DIS3L2: variants seen among roughly 807,000 people sequenced by gnomAD.
The protein encoded by DIS3L2 is DIS3-like exonuclease 2.
A neutral mutation model predicts 97.5 loss-of-function variants in DIS3L2; 34 were observed. The ratio of observed to expected loss-of-function variants is 0.35; its 90% CI spans 0.27 to 0.46. The LOEUF is 0.46. Among genes scored for constraint, DIS3L2 ranks in the 20% least tolerant of loss-of-function variants. DIS3L2 has a pLI of 1.00. For synonymous variants in DIS3L2, 435 were observed against 445.2 expected, an observed-to-expected ratio of 0.98 and a Z score of 0.29; for missense variants, 1,038 against 1,146.0, an observed-to-expected ratio of 0.91 and a Z score of 1.36.
At chr2:232,073,577 T>C (rs1696097542) in intron 5 of DIS3L2, among the ~76,000 whole-genome samples, 1 of 152,212 alleles carries the variant, frequency 6.6e-6, no homozygotes, top group African/African-American at 2.4e-5. Context: ...CACTCTTTAA[T>C]GATGGTCTTT....
intron 5 of DIS3L2, among the ~76,000 whole-genome samples, chr2:232,048,332 C>G (rs1695299603): frequency 6.6e-6 from 1 of 152,152 alleles, no homozygotes; most frequent in Non-Finnish European, 1.5e-5. Context: ...AATGGAGCCC[C>G]TCTATCTCCT....
At chr2:232,115,904 C>T (rs1697692220) in intron 6 of DIS3L2, among the ~76,000 whole-genome samples, 1 of 152,106 alleles carries the variant, frequency 6.6e-6, no homozygotes, top group Non-Finnish European at 1.5e-5. Flanking sequence ...GTGGCTCACA[C>T]ACAGGATTAC....
In DIS3L2 at chr2:232,336,640, G is replaced by A. The variant is rs370282202; in HGVS notation, c.*10G>A. On this transcript the variant is annotated 3_prime_UTR_variant, in exon 21 of 21. Coordinates refer to ENST00000325385, the MANE Select transcript of DIS3L2 (RefSeq NM_152383.5). ...CTCAAGCACCAGCTGAGCTCCACCAGCCGCCTGCCCCGCCTGCCCCGCCTG... is the reference window on the plus strand; with the variant it reads ...CTCAAGCACCAGCTGAGCTCCACCAACCGCCTGCCCCGCCTGCCCCGCCTG... The A allele has an allele frequency of 4.5e-5, 70 of 1,552,064 alleles. No homozygotes were observed. The African/African-American group carries it at 8.2e-4, about 18-fold the overall frequency.
chr2:232,120,841 T>G (rs1697879533), intron 6 of DIS3L2, among the ~76,000 whole-genome samples: 1 of 152,168 alleles, frequency 6.6e-6, no homozygotes, highest in African/African-American at 2.4e-5. Flanking sequence ...TTGGCGTTTC[T>G]CTGTCCTTCT....
At position 232,218,357 on chromosome 2, in the gene DIS3L2, TG is replaced by T. The variant is rs557519247; in HGVS notation, c.1204+7955del. Reference sequence around the variant, plus strand: ...TTGGCAAACACTGCTCAGGTATGTCTGGGTTTGAATCCTACAAAGTCTGGAG... The same window carrying T: ...TTGGCAAACACTGCTCAGGTATGTCTGGTTTGAATCCTACAAAGTCTGGAG... On this transcript the variant is annotated intron_variant, in intron 10 of 20. Transcript: ENST00000325385. Among the ~76,000 whole-genome samples, 27 of 152,312 alleles carry T rather than the reference TG, an allele frequency of 1.8e-4. No homozygotes were observed. In the South Asian group the frequency reaches 5.0e-3, roughly 28 times the overall value.
chr2:232,184,640 A>T (rs1691387247), intron 9 of DIS3L2, among the ~76,000 whole-genome samples: 4 of 152,172 alleles, frequency 2.6e-5, no homozygotes, highest in Admixed American at 2.6e-4. Context: ...ACAGAACAAG[A>T]CACTATCTCA....
chr2:231,979,498 C>A lies in DIS3L2; in HGVS notation c.-94+17733C>A, dbSNP rs1043858724. ...TCTTGAATTCTTGGGCTCAAGCAGT[C>A]CACCTGCCTTGGCCTCCCAAGGCCA... On this transcript the variant is annotated intron_variant, in intron 1 of 20. Transcript: ENST00000325385. 5.9e-5 allele frequency among the ~76,000 whole-genome samples: 9 copies of A among 152,142 alleles called. 1 individual carries two copies. Among genetic ancestry groups the A allele is most frequent in the Admixed American group, 5.2e-4 (8 of 15,280 alleles).
downstream of DIS3L2, among the ~76,000 whole-genome samples, chr2:232,339,407 A>G (rs1307925509): frequency 6.6e-6 from 1 of 152,010 alleles, no homozygotes; most frequent in Non-Finnish European, 1.5e-5. Flanking sequence ...AGGGGCTGTG[A>G]TTGCCCAGGT....
intron 12 of DIS3L2, among the ~76,000 whole-genome samples, chr2:232,256,924 C>T (rs1269017501): frequency 1.3e-5 from 2 of 152,210 alleles, no homozygotes; most frequent in African/African-American, 4.8e-5. Flanking sequence ...TCAAGACCAG[C>T]TTGGCCAACA....
At position 232,268,457 on chromosome 2, in the gene DIS3L2, A is replaced by G. The variant is rs948367674; in HGVS notation, c.1659+5017A>G. On this transcript the variant is annotated intron_variant, in intron 13 of 20. Transcript: ENST00000325385. The surrounding 1 kb of genome is among the most constrained non-coding windows in gnomAD (Gnocchi z 4.1). Reference sequence around the variant, plus strand: ...GATTGACGGATATTTTCTGTAAAGGACCAGATAGTAAATGGTTTAGGCTTT... The same window carrying G: ...GATTGACGGATATTTTCTGTAAAGGGCCAGATAGTAAATGGTTTAGGCTTT... 2.0e-5 allele frequency among the ~76,000 whole-genome samples: 3 copies of G among 152,142 alleles called. No homozygotes were observed. The highest frequency in any genetic ancestry group is 4.4e-5 in the Non-Finnish European group (3 of 68,032).
At position 232,329,902 on chromosome 2, in the gene DIS3L2, A is replaced by T; in HGVS notation, c.1829A>T (p.His610Leu). The T allele has an allele frequency of 6.2e-7, 1 of 1,610,308 alleles. No homozygotes were observed. The highest frequency in any genetic ancestry group is 1.1e-5 in the South Asian group (1 of 90,750). ...CCCGAGCAGGCCCTGCTGCGCCGGC[A>T]CCCCCCGCCCCAAACAAGGATGCTC... The part of the protein sequence containing the change: ...AFPEQALLRR[H>L]PPPQTRMLSD... Residue 610 changes from histidine (H) to leucine (L), a missense_variant, in exon 15 of 21, where the codon CAC (histidine) becomes CTC (leucine). Transcript: ENST00000325385.
At chr2:232,319,557 G>A (rs1324146460) in intron 14 of DIS3L2, among the ~76,000 whole-genome samples, 1 of 152,188 alleles carries the variant, frequency 6.6e-6, no homozygotes, top group Non-Finnish European at 1.5e-5. Context: ...GCTGGACTGA[G>A]GCCAGAGAGT....
intron 14 of DIS3L2, among the ~76,000 whole-genome samples, chr2:232,300,404 A>T (rs1462310169): frequency 6.6e-6 from 1 of 150,692 alleles, no homozygotes; most frequent in East Asian, 2.0e-4. Context: ...GACCCTCCCC[A>T]CTCTTGGTCT....
chr2:232,099,374 C>G (rs1033319859), intron 6 of DIS3L2, among the ~76,000 whole-genome samples: 7 of 151,986 alleles, frequency 4.6e-5, no homozygotes, highest in African/African-American at 1.7e-4. Context: ...CACCATCACA[C>G]CCAGATAATT....
chr2:232,109,262 A>ATCTGTATTGT (rs1361306976), intron 6 of DIS3L2, among the ~76,000 whole-genome samples: 2 of 152,136 alleles, frequency 1.3e-5, no homozygotes, highest in Admixed American at 1.3e-4. Flanking sequence ...CCTGGCCAAC[A>ATCTGTATTGT]TGGTGAAACC....
At chr2:232,087,809 A>C in intron 6 of DIS3L2, 88 bp downstream of exon 6, 1 of 1,057,158 alleles carries the variant, frequency 9.5e-7, no homozygotes, top group Non-Finnish European at 1.4e-6. Flanking sequence ...AAATAACACA[A>C]TGCCATTGAT....
At chr2:231,965,697 T>G (rs1692688438) in intron 1 of DIS3L2, among the ~76,000 whole-genome samples, 2 of 152,230 alleles carry the variant, frequency 1.3e-5, no homozygotes. Context: ...ATCTCTGTCC[T>G]CAGCAGATGA....
At chr2:232,101,092 C>T (rs938605645) in intron 6 of DIS3L2, among the ~76,000 whole-genome samples, 5 of 151,722 alleles carry the variant, frequency 3.3e-5, no homozygotes, top group African/African-American at 4.8e-5. Context: ...AAAAATTAGG[C>T]GTGGTGGTGC....
downstream of DIS3L2, chr2:232,337,201 G>A: frequency 1.0e-6 from 1 of 990,830 alleles, no homozygotes. Flanking sequence ...AACACTGAGA[G>A]CGCCCCCATC....
Sources: allele counts gnomAD v4.1 joint callset (sites outside exome capture counted in the v4.1 genomes callset), GRCh38; gene constraint gnomAD v4.1.1; non-coding constraint Gnocchi (gnomAD v3.1); transcripts MANE v1.5; gene names NCBI Gene and HGNC (gene_info 2026-07-23, HGNC 2026-07-21).